BMPR1B: variants seen among roughly 807,000 people sequenced by gnomAD.
BMPR1B encodes the protein bone morphogenetic protein receptor type-1B.
In BMPR1B, 12 loss-of-function variants were observed where a neutral mutation model predicts 59.1. The observed-to-expected ratio is 0.20, with a 90% confidence interval of 0.13 to 0.33. The LOEUF (loss-of-function observed/expected upper bound fraction) is 0.33. BMPR1B is among the 10% of genes least tolerant of loss of function. The pLI, the probability that BMPR1B is intolerant of heterozygous loss-of-function variation, is 1.00. For synonymous variants in BMPR1B, 237 were observed against 207.3 expected, an observed-to-expected ratio of 1.14 and a Z score of -1.23; for missense variants, 550 against 610.9, an observed-to-expected ratio of 0.90 and a Z score of 1.05.
In BMPR1B at chr4:95,144,477, C is replaced by A. The variant is rs995255898; in HGVS notation, c.1077-4271C>A. 3.9e-4 allele frequency among the ~76,000 whole-genome samples: 38 copies of A among 98,320 alleles called. 1 individual carries two copies. The highest frequency in any genetic ancestry group is 6.2e-4 in the Non-Finnish European group (28 of 45,202). 64.5% of individuals were successfully genotyped at this position (98,320 alleles called of 152,430 possible). A position where few individuals can be genotyped will look rare whatever the true frequency, so the allele number is the denominator to read the frequency against. ...TACAGGCATGAACCACCACACCAGG[C>A]CTTTTTTTTTTTTAAAAAAAATACT... On this transcript the variant is annotated intron_variant, in intron 10 of 12. Coordinates refer to ENST00000515059, the MANE Select transcript of BMPR1B (RefSeq NM_001203.3).
intron 1 of BMPR1B, among the ~76,000 whole-genome samples, chr4:94,830,591 CT>C: frequency 6.6e-6 from 1 of 152,178 alleles, no homozygotes; most frequent in Admixed American, 6.5e-5. Flanking sequence ...CTTCTAGATA[CT>C]ACCATATATC....
At chr4:94,880,949 A>G (rs1726942772) in intron 2 of BMPR1B, among the ~76,000 whole-genome samples, 1 of 152,154 alleles carries the variant, frequency 6.6e-6, no homozygotes, top group Non-Finnish European at 1.5e-5. Flanking sequence ...AAATATTTTA[A>G]TCAACTTTTA....
intron 1 of BMPR1B, among the ~76,000 whole-genome samples, chr4:94,786,969 G>A (rs1722786684): frequency 6.6e-6 from 1 of 152,160 alleles, no homozygotes; most frequent in Non-Finnish European, 1.5e-5. Context: ...GATTACAGGT[G>A]TGAGCCACTG....
At chr4:95,033,365 A>G (rs1725018599) in intron 3 of BMPR1B, among the ~76,000 whole-genome samples, 1 of 151,954 alleles carries the variant, frequency 6.6e-6, no homozygotes, top group Non-Finnish European at 1.5e-5. Flanking sequence ...ATCACTGTCA[A>G]GTGCAATGTC....
chr4:95,025,940 G>A (rs1431398769), intron 3 of BMPR1B, among the ~76,000 whole-genome samples: 1 of 152,080 alleles, frequency 6.6e-6, no homozygotes, highest in Non-Finnish European at 1.5e-5. Flanking sequence ...TGAAACATTT[G>A]TTTAATTTTT....
chr4:95,121,334 T>G (rs1732512408), intron 6 of BMPR1B, among the ~76,000 whole-genome samples: 1 of 152,204 alleles, frequency 6.6e-6, no homozygotes, highest in Non-Finnish European at 1.5e-5. Flanking sequence ...TATGTTCAGT[T>G]TATGTGTTCA....
intron 1 of BMPR1B, among the ~76,000 whole-genome samples, chr4:94,800,755 A>G (rs937189821): frequency 2.0e-5 from 3 of 152,224 alleles, no homozygotes; most frequent in African/African-American, 7.2e-5. Context: ...TTAAAACTAT[A>G]AAACAATTAT....
intron 1 of BMPR1B, among the ~76,000 whole-genome samples, chr4:94,873,150 G>C (rs1021986374): frequency 6.6e-6 from 1 of 151,706 alleles, no homozygotes; most frequent in African/African-American, 2.4e-5. Context: ...TCTCACCTCC[G>C]GTCCATATGG....
chr4:95,061,187 ACACACACACACACACACACACAC>A (rs1727344848), intron 3 of BMPR1B, among the ~76,000 whole-genome samples: 4 of 149,166 alleles, frequency 2.7e-5, no homozygotes, highest in African/African-American at 9.8e-5. Context: ...ACACACACAC[ACACACACACACACACACACACAC>A]CACACACCCC....
chr4:94,913,472 C>T (rs1481637908), intron 2 of BMPR1B, among the ~76,000 whole-genome samples: 1 of 152,124 alleles, frequency 6.6e-6, no homozygotes, highest in Non-Finnish European at 1.5e-5. Flanking sequence ...CAGTTTGAAC[C>T]ACAAATTTTT....
intron 7 of BMPR1B, 138 bp downstream of exon 7, chr4:95,124,044 T>C (rs1732727987): frequency 3.1e-6 from 2 of 641,330 alleles, no homozygotes; most frequent in Non-Finnish European, 5.4e-6. Context: ...TGAAAATGTC[T>C]GTTACTGTTG....
At chr4:94,916,051 C>T (rs955606666) in intron 2 of BMPR1B, among the ~76,000 whole-genome samples, 40 of 152,170 alleles carry the variant, frequency 2.6e-4, no homozygotes, top group African/African-American at 9.4e-4. Flanking sequence ...AGAAGTCAAG[C>T]AAGTGCCAGA....
intron 3 of BMPR1B, among the ~76,000 whole-genome samples, chr4:95,017,019 T>C (rs1385308893): frequency 1.3e-5 from 2 of 152,224 alleles, no homozygotes; most frequent in Non-Finnish European, 2.9e-5. Flanking sequence ...TCAGTTTCTT[T>C]TTCCATAGGG....
chr4:94,998,434 C>A (rs959989828), intron 3 of BMPR1B, among the ~76,000 whole-genome samples: 2 of 150,388 alleles, frequency 1.3e-5, no homozygotes, highest in Non-Finnish European at 2.9e-5. Flanking sequence ...AGTGCAATGG[C>A]GCGATCTTAG....
chr4:95,123,718 A>G, intron 6 of BMPR1B, 92 bp from the exon 7 acceptor site: 1 of 992,842 alleles, frequency 1.0e-6, no homozygotes, highest in Non-Finnish European at 1.6e-6. Context: ...TTTGTGCGTG[A>G]TACTTAGCAA....
intron 3 of BMPR1B, among the ~76,000 whole-genome samples, chr4:95,070,648 T>G (rs1231881997): frequency 6.6e-6 from 1 of 152,106 alleles, no homozygotes; most frequent in Non-Finnish European, 1.5e-5. Context: ...TTGCCTTGAG[T>G]TAGTCTAGTG....
chr4:95,091,792 T>C (rs1159219943), intron 3 of BMPR1B, among the ~76,000 whole-genome samples: 2 of 151,924 alleles, frequency 1.3e-5, no homozygotes, highest in African/African-American at 4.8e-5. Context: ...GGATCAAAAA[T>C]TTTGTCTAAA....
chr4:94,833,439 A>G (rs1724680467), intron 1 of BMPR1B, among the ~76,000 whole-genome samples: 1 of 152,084 alleles, frequency 6.6e-6, no homozygotes, highest in Non-Finnish European at 1.5e-5. Context: ...CTTGTTTTCC[A>G]CACTTTTTTC....
intron 1 of BMPR1B, among the ~76,000 whole-genome samples, chr4:94,843,034 C>G (rs925981302): frequency 6.6e-6 from 1 of 152,094 alleles, no homozygotes; most frequent in Non-Finnish European, 1.5e-5. Flanking sequence ...ATAGGACATA[C>G]TCTCTGCCAG....
Sources: allele counts gnomAD v4.1 joint callset (sites outside exome capture counted in the v4.1 genomes callset), GRCh38; gene constraint gnomAD v4.1.1; transcripts MANE v1.5; gene names NCBI Gene and HGNC (gene_info 2026-07-23, HGNC 2026-07-21).